The following VPS35L variants were observed in gnomAD, a reference collection of about 807,000 sequenced individuals.
The protein encoded by VPS35L is VPS35 endosomal protein sorting factor like, also known as VPS35 endosomal protein-sorting factor-like.
VPS35L carries 83 observed loss-of-function variants against 133.0 expected under a neutral mutation model. The ratio of observed to expected loss-of-function variants is 0.62; its 90% CI spans 0.52 to 0.75. The LOEUF (loss-of-function observed/expected upper bound fraction) is 0.75. VPS35L is among the 30% of genes least tolerant of loss of function. VPS35L has a pLI of 0.00. For missense variants in VPS35L, 1,083 were observed against 1,206.8 expected (o/e 0.90, Z 1.52); for synonymous variants, 423 against 449.9 (o/e 0.94, Z 0.76).
At chr16:19,590,444 A>T (rs1365380876) in intron 7 of VPS35L, among the ~76,000 whole-genome samples, 2 of 152,104 alleles carry the variant, frequency 1.3e-5, no homozygotes, top group African/African-American at 4.8e-5. Flanking sequence ...GAGGTGATGA[A>T]GTGTGGCAGT....
intron 26 of VPS35L, among the ~76,000 whole-genome samples, chr16:19,653,584 T>C (rs1974203036): frequency 6.6e-6 from 1 of 152,318 alleles, no homozygotes; most frequent in South Asian, 2.1e-4. Flanking sequence ...ACCACTGCAT[T>C]GACTGGGAAG....
At chr16:19,577,376 C>T (rs955655139) in intron 5 of VPS35L, among the ~76,000 whole-genome samples, 3 of 152,130 alleles carry the variant, frequency 2.0e-5, no homozygotes, top group Admixed American at 1.3e-4. Flanking sequence ...CTCATTACTG[C>T]ACTCATTACT....
At chr16:19,596,340 T>A (rs981064598) in intron 8 of VPS35L, among the ~76,000 whole-genome samples, 2 of 151,800 alleles carry the variant, frequency 1.3e-5, no homozygotes, top group African/African-American at 4.8e-5. Flanking sequence ...AATGGGGTGA[T>A]CATGGCTCAC....
intron 8 of VPS35L, among the ~76,000 whole-genome samples, chr16:19,593,614 A>G (rs1437513382): frequency 1.3e-5 from 2 of 152,138 alleles, no homozygotes; most frequent in African/African-American, 4.8e-5. Flanking sequence ...AAACAGTGTC[A>G]TTAAGACCTT....
intron 3 of VPS35L, among the ~76,000 whole-genome samples, chr16:19,570,995 T>A (rs1971366198): frequency 1.3e-5 from 2 of 150,872 alleles, no homozygotes; most frequent in African/African-American, 4.9e-5. Flanking sequence ...TGCCTCAGCC[T>A]TCCGAGTGGC....
chr16:19,602,051 T>G (rs1031406432), intron 9 of VPS35L, among the ~76,000 whole-genome samples: 1 of 152,052 alleles, frequency 6.6e-6, no homozygotes, highest in African/African-American at 2.4e-5. Context: ...AAGAAGCAAC[T>G]TGCTTGGAAA....
intron 14 of VPS35L, among the ~76,000 whole-genome samples, chr16:19,620,063 C>T (rs1973028509): frequency 6.6e-6 from 1 of 152,106 alleles, no homozygotes; most frequent in South Asian, 2.1e-4. Context: ...TACAGAATTT[C>T]AAATCGAAAT....
chr16:19,640,189 C>A (rs1049403801), intron 21 of VPS35L, 89 bp downstream of exon 21: 4 of 1,171,198 alleles, frequency 3.4e-6, no homozygotes, highest in Non-Finnish European at 5.0e-6. Context: ...ACTTTGAGGC[C>A]GAGTGATGTG....
intron 22 of VPS35L, among the ~76,000 whole-genome samples, chr16:19,643,999 G>A (rs1973864737): frequency 6.6e-6 from 1 of 151,958 alleles, no homozygotes; most frequent in Admixed American, 6.6e-5. Context: ...GTGGGCATTT[G>A]TATTGAAGGA....
chr16:19,594,258 A>G (rs1342757022), intron 8 of VPS35L, among the ~76,000 whole-genome samples: 4 of 152,208 alleles, frequency 2.6e-5, no homozygotes, highest in Admixed American at 2.6e-4. Flanking sequence ...CCCAGCTGAC[A>G]GATGAGCCCT....
At chr16:19,587,432 C>G (rs1353293192) in intron 7 of VPS35L, 2 of 402,642 alleles carry the variant, frequency 5.0e-6, no homozygotes, top group South Asian at 3.5e-5. Context: ...GAGTTTAAGA[C>G]CAGCCTGACC....
intron 9 of VPS35L, among the ~76,000 whole-genome samples, chr16:19,602,955 G>A (rs998174930): frequency 6.6e-6 from 1 of 151,070 alleles, no homozygotes; most frequent in Non-Finnish European, 1.5e-5. Flanking sequence ...TGTAGACACG[G>A]GGTCTCCCTA....
intron 21 of VPS35L, 146 bp from the exon 22 acceptor site, chr16:19,642,250 G>A (rs1973809723): frequency 1.6e-6 from 1 of 619,560 alleles, no homozygotes; most frequent in Admixed American, 2.9e-5. Flanking sequence ...AGAGAACATG[G>A]CTCGTTACTG....
chr16:19,556,589 A>T (rs1419669505), intron 1 of VPS35L, among the ~76,000 whole-genome samples: 1 of 152,266 alleles, frequency 6.6e-6, no homozygotes, highest in East Asian at 1.9e-4. Flanking sequence ...CCTGCATCTC[A>T]GAAAGCGAGA....
At chr16:19,629,518 A>T (rs1051295217) in intron 17 of VPS35L, among the ~76,000 whole-genome samples, 1 of 152,204 alleles carries the variant, frequency 6.6e-6, no homozygotes, top group Non-Finnish European at 1.5e-5. Flanking sequence ...AACATTACAG[A>T]TATTTGAAAC....
chr16:19,621,054 G>T (rs1734381398), intron 14 of VPS35L, among the ~76,000 whole-genome samples: 1 of 152,132 alleles, frequency 6.6e-6, no homozygotes, highest in Non-Finnish European at 1.5e-5. Context: ...TTATATCCAT[G>T]GCATGGATTA....
chr16:19,603,912 A>G, intron 9 of VPS35L, among the ~76,000 whole-genome samples: 1 of 151,974 alleles, frequency 6.6e-6, no homozygotes, highest in East Asian at 1.9e-4. Flanking sequence ...TTGTATTTTT[A>G]GTAGAGATGG....
rs1472570387 is a variant in VPS35L at position 19,639,790 on chromosome 16, A to G, written c.1699-225A>G. 2.0e-5 allele frequency among the ~76,000 whole-genome samples: 3 copies of G among 152,124 alleles called. No homozygotes were observed. Among genetic ancestry groups the G allele is most frequent in the Non-Finnish European group, 4.4e-5 (3 of 68,016 alleles). On this transcript the variant is annotated intron_variant, in intron 20 of 30. Transcript: ENST00000417362. This position sits in a 1 kb window ranked among gnomAD's most constrained non-coding sequence, Gnocchi z 4.1. ...GTGATCCACCCGCCTCAGCCTCCCA[A>G]AGTGCTGGGATTACAGGTGTGAGCC...
Position 19,691,430 on chromosome 16 carries a change from G to A in VPS35L, c.2605G>A (p.Ala869Thr), listed in dbSNP as rs776359572. ...ENNKLCETVM[A>T]QILEHLKTLA... ...CAACAAGCTGTGTGAGACGGTGATG[G>A]CTCAGATCCTAGAGCATCTGAAAAC... Residue 869 changes from alanine (A) to threonine (T), a missense_variant, in exon 29 of 31, where the codon GCT becomes ACT. Transcript: ENST00000417362. 2 of 1,614,008 alleles carry A rather than the reference G, an allele frequency of 1.2e-6. No individual in the cohort carries two copies. Among genetic ancestry groups the A allele is most frequent in the African/African-American group, 2.7e-5 (2 of 75,052 alleles).
Sources: allele counts gnomAD v4.1 joint callset (sites outside exome capture counted in the v4.1 genomes callset), GRCh38; gene constraint gnomAD v4.1.1; non-coding constraint Gnocchi (gnomAD v3.1); transcripts MANE v1.5; gene names NCBI Gene and HGNC (gene_info 2026-07-23, HGNC 2026-07-21).